RBM47: variants seen among roughly 807,000 people sequenced by gnomAD.
RBM47 encodes the protein RNA-binding protein 47.
In RBM47, 21 loss-of-function variants were observed where a neutral mutation model predicts 47.1. That is an observed-to-expected ratio of 0.45 (90% CI 0.32 to 0.64). The LOEUF (loss-of-function observed/expected upper bound fraction) is 0.64, where lower values mean the gene tolerates loss of function less well. Among genes scored for constraint, RBM47 ranks in the 30% least tolerant of loss-of-function variants. The pLI is 0.05. For missense variants in RBM47, 708 were observed against 870.9 expected (o/e 0.81, Z 2.35); for synonymous variants, 375 against 361.7 (o/e 1.04, Z -0.42).
At chr4:40,517,093 ATCCCTCCC>A (rs1446514043) in intron 2 of RBM47, among the ~76,000 whole-genome samples, 1 of 150,646 alleles carries the variant, frequency 6.6e-6, no homozygotes, top group Non-Finnish European at 1.5e-5. Context: ...CTCAAATGCC[ATCCCTCCC>A]TCCCTCCCCA....
At chr4:40,620,954 ACTC>A (rs1367011812) in intron 1 of RBM47, among the ~76,000 whole-genome samples, 1 of 151,806 alleles carries the variant, frequency 6.6e-6, no homozygotes. Flanking sequence ...TATTTTTTGA[ACTC>A]CTCAACAAAT....
intron 1 of RBM47, among the ~76,000 whole-genome samples, chr4:40,616,224 G>T (rs993671178): frequency 6.6e-6 from 1 of 151,942 alleles, no homozygotes; most frequent in Non-Finnish European, 1.5e-5. Flanking sequence ...CATGGTGGCG[G>T]GCGCCTGTAG....
chr4:40,486,603 G>C (rs1721121613), intron 2 of RBM47, among the ~76,000 whole-genome samples: 1 of 152,178 alleles, frequency 6.6e-6, no homozygotes, highest in Non-Finnish European at 1.5e-5. Flanking sequence ...TTCGAGACCA[G>C]ACTGGTCAAT....
At chr4:40,477,603 G>A (rs997345191) in intron 2 of RBM47, among the ~76,000 whole-genome samples, 2 of 152,144 alleles carry the variant, frequency 1.3e-5, no homozygotes, top group Non-Finnish European at 2.9e-5. Context: ...ATTGAGGTTT[G>A]GTGTGAGTGT....
At chr4:40,532,876 C>T (rs1727550343) in intron 2 of RBM47, among the ~76,000 whole-genome samples, 1 of 152,078 alleles carries the variant, frequency 6.6e-6, no homozygotes, top group Admixed American at 6.6e-5. Context: ...ATACCAGTAG[C>T]TTATAGCCTC....
intron 2 of RBM47, among the ~76,000 whole-genome samples, chr4:40,538,804 T>C (rs1049151008): frequency 6.6e-6 from 1 of 151,966 alleles, no homozygotes; most frequent in Non-Finnish European, 1.5e-5. Context: ...CAGCTAATTT[T>C]TTTGTATTTT....
At chr4:40,591,068 G>A (rs1037097550) in intron 1 of RBM47, among the ~76,000 whole-genome samples, 13 of 152,152 alleles carry the variant, frequency 8.5e-5, no homozygotes, top group African/African-American at 2.9e-4. Flanking sequence ...CTCCCAAAGT[G>A]CTAGGATTAC....
chr4:40,611,407 T>C (rs1736246773), intron 1 of RBM47, among the ~76,000 whole-genome samples: 1 of 152,094 alleles, frequency 6.6e-6, no homozygotes, highest in Non-Finnish European at 1.5e-5. Flanking sequence ...GCTGGAGTTG[T>C]TGCTACTCAA....
chr4:40,531,343 G>T (rs1727368611), intron 2 of RBM47, among the ~76,000 whole-genome samples: 1 of 151,886 alleles, frequency 6.6e-6, no homozygotes, highest in Non-Finnish European at 1.5e-5. Flanking sequence ...AAAGAGTATG[G>T]GGTTCTCTGT....
intron 2 of RBM47, among the ~76,000 whole-genome samples, chr4:40,470,183 T>C (rs1445989637): frequency 1.3e-5 from 2 of 152,114 alleles, no homozygotes; most frequent in African/African-American, 2.4e-5. Flanking sequence ...ACGGGGTGGT[T>C]TCCAGACATT....
At chr4:40,433,672 G>A (rs976969680) in intron 5 of RBM47, among the ~76,000 whole-genome samples, 1 of 152,060 alleles carries the variant, frequency 6.6e-6, no homozygotes, top group Non-Finnish European at 1.5e-5. Flanking sequence ...AACAGGTGCT[G>A]TTGAGGGTTT....
At chr4:40,488,198 C>T (rs982978119) in intron 2 of RBM47, among the ~76,000 whole-genome samples, 1 of 151,944 alleles carries the variant, frequency 6.6e-6, no homozygotes, top group Non-Finnish European at 1.5e-5. Context: ...CCTGTAATCG[C>T]CACTACTCAG....
chr4:40,529,090 T>C lies in RBM47; in HGVS notation c.-155+15332A>G, dbSNP rs140248364. ...CAGGATAGTAGCCAGTAGCCACATA[T>C]GTCTATTAAGCACTTGAAATGTGCC... On this transcript the variant is annotated intron_variant, in intron 2 of 6. Transcript: ENST00000295971. Among the ~76,000 whole-genome samples the C allele has an allele frequency of 3.5e-3, 533 of 152,238 alleles. 4 individuals are homozygous for C. Among genetic ancestry groups the C allele is most frequent in the African/African-American group, 0.012 (492 of 41,554 alleles).
intron 3 of RBM47, among the ~76,000 whole-genome samples, chr4:40,462,415 C>T (rs17440949): frequency 0.036 from 5,444 of 152,026 alleles, 138 homozygotes; most frequent in African/African-American, 0.058. Flanking sequence ...TGTCCTCTCT[C>T]CTTCCCTCTG....
intron 2 of RBM47, among the ~76,000 whole-genome samples, chr4:40,522,159 C>A (rs1726254944): frequency 6.6e-6 from 1 of 152,130 alleles, no homozygotes; most frequent in South Asian, 2.1e-4. Context: ...TGTAACAGAG[C>A]ATGAAAATTT....
intron 2 of RBM47, among the ~76,000 whole-genome samples, chr4:40,501,337 T>C (rs367644353): frequency 1.3e-5 from 2 of 152,146 alleles, no homozygotes; most frequent in African/African-American, 4.8e-5. Context: ...AGAAAGAGGA[T>C]TGGTATGCAA....
intron 2 of RBM47, among the ~76,000 whole-genome samples, chr4:40,526,105 T>C (rs1726679867): frequency 6.6e-6 from 1 of 152,186 alleles, no homozygotes; most frequent in Non-Finnish European, 1.5e-5. Context: ...ACCTTCAGAA[T>C]TCATTCTTGT....
chr4:40,569,318 T>G (rs1024156507), intron 1 of RBM47, among the ~76,000 whole-genome samples: 6 of 151,882 alleles, frequency 4.0e-5, no homozygotes, highest in African/African-American at 1.2e-4. Context: ...GGCCGACAAC[T>G]GCCTTCTTAA....
chr4:40,437,098 T>TATATATATATAAATAAAATAC (rs1712651419), intron 4 of RBM47, among the ~76,000 whole-genome samples: 1 of 63,182 alleles, frequency 1.6e-5, no homozygotes, highest in African/African-American at 9.2e-5. Context: ...AAAATATATA[T>TATATATATATAAATAAAATAC]ATATATATAT....
Sources: allele counts gnomAD v4.1 joint callset (sites outside exome capture counted in the v4.1 genomes callset), GRCh38; gene constraint gnomAD v4.1.1; transcripts MANE v1.5; gene names NCBI Gene and HGNC (gene_info 2026-07-23, HGNC 2026-07-21).